Variants in XPO6 observed in about 807,000 individuals in gnomAD.
The protein encoded by XPO6 is exportin-6.
Under a neutral mutation model 130.0 loss-of-function variants are expected in XPO6, and 3 were observed. That is an observed-to-expected ratio of 0.02 (90% confidence interval 0.01 to 0.06). The LOEUF (loss-of-function observed/expected upper bound fraction) is 0.06, where lower values mean the gene tolerates loss of function less well. Ranked by LOEUF, XPO6 falls within the 10% of genes least tolerant of loss-of-function variation. XPO6 has a pLI of 1.00. For synonymous variants in XPO6, 524 were observed against 548.9 expected (o/e 0.95, Z 0.63); for missense variants, 970 against 1,393.0 (o/e 0.70, Z 4.83).
chr16:28,200,531 G>C (rs2043938615), intron 1 of XPO6, among the ~76,000 whole-genome samples: 1 of 151,522 alleles, frequency 6.6e-6, no homozygotes, highest in Non-Finnish European at 1.5e-5. Context: ...ACCCAGGCTG[G>C]GGTGCAGTGA....
chr16:28,152,469 A>G (rs2043112392), intron 8 of XPO6, among the ~76,000 whole-genome samples, 190 bp downstream of exon 8: 1 of 152,244 alleles, frequency 6.6e-6, no homozygotes, highest in Non-Finnish European at 1.5e-5. Flanking sequence ...TTTACCTGCA[A>G]AACAGAGATG....
In XPO6 at chr16:28,168,602, CT is replaced by C. The variant is rs371113316; in HGVS notation, c.565+1147del. ...CAAATGCCAAGTTCTTTTTCTTTTTCTTTTTTTTTTTTTTAAAGAGACAGGG... is the reference window on the plus strand; with the variant it reads ...CAAATGCCAAGTTCTTTTTCTTTTTCTTTTTTTTTTTTTAAAGAGACAGGG... On this transcript the variant is annotated intron_variant, in intron 5 of 23. Coordinates refer to ENST00000304658, the MANE Select transcript of XPO6 (RefSeq NM_015171.4). Among the ~76,000 whole-genome samples the C allele has an allele frequency of 1.6e-3, 232 of 142,270 alleles. 1 individual carries two copies. Among genetic ancestry groups the C allele is most frequent in the Admixed American group, 2.0e-3 (28 of 14,250 alleles). The allele number at this position is 142,270 out of a possible 152,430, so 93.3% of individuals were successfully genotyped here.
At chr16:28,176,499 ATTTT>A (rs879328103) in intron 3 of XPO6, among the ~76,000 whole-genome samples, 1 of 143,644 alleles carries the variant, frequency 7.0e-6, no homozygotes, top group Non-Finnish European at 1.5e-5. Flanking sequence ...TTACAATTAG[ATTTT>A]TTTTTTTTTT....
In XPO6 at chr16:28,197,788, G is replaced by A. The variant is rs557911762; in HGVS notation, c.3+13578C>T. ...AAAAAAATTAGCCAGGCGTGGTGGC[G>A]GGCGCCTGCAGTACCAGCTACTTGG... is the stretch of plus-strand genomic sequence containing the variant. On this transcript the variant is annotated intron_variant, in intron 1 of 23. Coordinates refer to ENST00000304658, the MANE Select transcript of XPO6 (RefSeq NM_015171.4). 1.3e-3 allele frequency among the ~76,000 whole-genome samples: 200 copies of A among 151,324 alleles called. 1 individual carries two copies. The highest frequency in any genetic ancestry group is 3.9e-3 in the African/African-American group (161 of 41,252).
chr16:28,106,601 T>G lies in XPO6; in HGVS notation c.2498-104A>C. 1 of 842,784 alleles carries G rather than the reference T, an allele frequency of 1.2e-6. No individual in the cohort carries two copies. Among genetic ancestry groups the G allele is most frequent in the South Asian group, 1.5e-5 (1 of 67,374 alleles). The allele number at this position is 842,784 out of a possible 1,614,324, so 52.2% of individuals were successfully genotyped here. A position where few individuals can be genotyped will look rare whatever the true frequency, so the allele number is the denominator to read the frequency against. ...TGAAATCTGCACTATCAGCTTTCTC[T>G]ACAGCTTCCTGCTGGAAACATTTCC... On this transcript the variant is annotated intron_variant, in intron 18 of 23. Coordinates refer to ENST00000304658, the MANE Select transcript of XPO6 (RefSeq NM_015171.4). The surrounding 1 kb of genome is among the most constrained non-coding windows in gnomAD (Gnocchi z 4.2).
rs760391134 is a variant in XPO6 at position 28,211,342 on chromosome 16, G to A, written c.3+24C>T. The stretch of plus-strand genomic sequence containing the variant: ...CCTTCCGGTAGGGCACCCCAGGAGG[G>A]AAGGGGGCTCCAATTCCACTTACCA... On this transcript the variant is annotated intron_variant, in intron 1 of 23. Coordinates refer to ENST00000304658, the MANE Select transcript of XPO6 (RefSeq NM_015171.4). The A allele has an allele frequency of 6.1e-6, 8 of 1,312,126 alleles. No individual in the cohort carries two copies. In the African/African-American group the frequency reaches 9.0e-5, roughly 15 times the overall value. The allele number at this position is 1,312,126 out of a possible 1,614,324, so 81.3% of individuals were successfully genotyped here.
At chr16:28,211,245 A>C (rs992964586) in intron 1 of XPO6, 121 bp downstream of exon 1, 1 of 1,066,926 alleles carries the variant, frequency 9.4e-7, no homozygotes, top group Non-Finnish European at 1.2e-6. Context: ...GTCACCGGCC[A>C]GGCTCCGCAC....
At chr16:28,208,626 G>C (rs774627913) in intron 1 of XPO6, among the ~76,000 whole-genome samples, 3 of 152,194 alleles carry the variant, frequency 2.0e-5, no homozygotes, top group Non-Finnish European at 2.9e-5. Context: ...AATGCACATG[G>C]AGTTCATGAA....
chr16:28,112,397 C>A (rs1219540924), intron 16 of XPO6, among the ~76,000 whole-genome samples: 2 of 152,204 alleles, frequency 1.3e-5, no homozygotes, highest in African/African-American at 4.8e-5. Context: ...ATGCCCCTAG[C>A]ACCAGGTCAC....
At position 28,106,817 on chromosome 16, in the gene XPO6, C is replaced by A. The variant is rs932255302; in HGVS notation, c.2498-320G>T. Among the ~76,000 whole-genome samples, 6 of 152,214 alleles carry A rather than the reference C, an allele frequency of 3.9e-5. No individual in the cohort carries two copies. The highest frequency in any genetic ancestry group is 1.4e-4 in the African/African-American group (6 of 41,456). On this transcript the variant is annotated intron_variant, in intron 18 of 23. Coordinates refer to ENST00000304658, the MANE Select transcript of XPO6 (RefSeq NM_015171.4). This position sits in a 1 kb window ranked among gnomAD's most constrained non-coding sequence, Gnocchi z 4.2. ...GGAGAGGGATCACTTTGTGCCCACA[C>A]TGATGAATGCCAACTGGGTCAACAC... is the stretch of plus-strand genomic sequence containing the variant.
Position 28,166,563 on chromosome 16 carries a change from G to C in XPO6, c.588C>G (p.Asp196Glu), listed in dbSNP as rs2043358872. 1 of 1,588,360 alleles carries C rather than the reference G, an allele frequency of 6.3e-7. No individual in the cohort carries two copies. The highest frequency in any genetic ancestry group is 1.3e-5 in the African/African-American group (1 of 74,608). Residue 196 changes from aspartate (D) to glutamate (E), a missense_variant, in exon 6 of 24, where the codon GAC (aspartate) becomes GAG (glutamate). Asp to Glu is a conservative substitution (Grantham distance 45, BLOSUM62 2). This residue lies in a region of XPO6 where 936 missense variants were observed against 1,306.8 expected (regional missense o/e 0.72). Coordinates refer to ENST00000304658, the MANE Select transcript of XPO6 (RefSeq NM_015171.4). ...GAGTGGCAGCAGTAACACTGTGTTTGTCCCAGACAGTCTCCAAGATACCTA... is the reference window on the plus strand; with the variant it reads ...GAGTGGCAGCAGTAACACTGTGTTTCTCCCAGACAGTCTCCAAGATACCTA... The part of the protein sequence containing the change: ...LLTGILETVW[D>E]KHSVTAATPP...
intron 10 of XPO6, among the ~76,000 whole-genome samples, chr16:28,134,699 T>C (rs2042741861): frequency 6.6e-6 from 1 of 152,204 alleles, no homozygotes. Context: ...AAAAAAACAC[T>C]GGAATTGTTT....
Position 28,211,357 on chromosome 16 carries a change from T to C in XPO6, c.3+9A>G. ...CCCCAGGAGGGAAGGGGGCTCCAAT[T>C]CCACTTACCATGCTGGCCGGGGAGG... On this transcript the variant is annotated intron_variant, in intron 1 of 23. Coordinates refer to ENST00000304658, the MANE Select transcript of XPO6 (RefSeq NM_015171.4). The C allele has an allele frequency of 7.6e-7, 1 of 1,312,538 alleles. No homozygotes were observed. Among genetic ancestry groups the C allele is most frequent in the Non-Finnish European group, 9.8e-7 (1 of 1,021,726 alleles). The allele number at this position is 1,312,538 out of a possible 1,614,324, so 81.3% of individuals were successfully genotyped here.
intron 7 of XPO6, among the ~76,000 whole-genome samples, chr16:28,155,075 T>C (rs936233357): frequency 6.6e-6 from 1 of 152,202 alleles, no homozygotes; most frequent in Non-Finnish European, 1.5e-5. Flanking sequence ...ATTTTAGAAA[T>C]ATTTTACAAA....
intron 8 of XPO6, among the ~76,000 whole-genome samples, chr16:28,148,316 T>C (rs1479934931): frequency 6.6e-6 from 1 of 152,238 alleles, no homozygotes; most frequent in Non-Finnish European, 1.5e-5. Context: ...CATCCATTCC[T>C]GCAGGCCCCA....
intron 1 of XPO6, among the ~76,000 whole-genome samples, chr16:28,203,826 C>A (rs1230827646): frequency 2.0e-5 from 3 of 152,210 alleles, no homozygotes; most frequent in Admixed American, 6.5e-5. Flanking sequence ...GCCCTTGTCA[C>A]ATCCACACAG....
intron 10 of XPO6, among the ~76,000 whole-genome samples, chr16:28,134,741 C>A (rs2042742351): frequency 6.6e-6 from 1 of 152,154 alleles, no homozygotes; most frequent in Non-Finnish European, 1.5e-5. Flanking sequence ...TAATGTTGGG[C>A]ACATCAGCAT....
Position 28,211,423 on chromosome 16 carries a change from C to T in XPO6, c.-55G>A, listed in dbSNP as rs1307874890. ...GCTGGTTCTTGGGCTTCGGACACGT[C>T]CCGCTCGCACAGTTCAGGTCATGGT... is the stretch of plus-strand genomic sequence containing the variant. On this transcript the variant is annotated 5_prime_UTR_variant, in exon 1 of 24. Coordinates refer to ENST00000304658, the MANE Select transcript of XPO6 (RefSeq NM_015171.4). 3.8e-6 allele frequency: 5 copies of T among 1,310,450 alleles called. No homozygotes were observed. Among genetic ancestry groups the T allele is most frequent in the Non-Finnish European group, 4.9e-6 (5 of 1,020,892 alleles). 81.2% of individuals were successfully genotyped at this position (1,310,450 alleles called of 1,614,324 possible). A position where few individuals can be genotyped will look rare whatever the true frequency, so the allele number is the denominator to read the frequency against.
chr16:28,181,336 G>A (rs2043610763), intron 1 of XPO6, among the ~76,000 whole-genome samples: 1 of 152,152 alleles, frequency 6.6e-6, no homozygotes, highest in Non-Finnish European at 1.5e-5. Flanking sequence ...AAGCAAATTA[G>A]CCCCTGGCCC....
Sources: allele counts gnomAD v4.1 joint callset (sites outside exome capture counted in the v4.1 genomes callset), GRCh38; gene constraint gnomAD v4.1.1; regional missense constraint gnomAD v4.1.1; non-coding constraint Gnocchi (gnomAD v3.1); transcripts MANE v1.5; gene names NCBI Gene and HGNC (gene_info 2026-07-23, HGNC 2026-07-21).